Variants in ZBTB8A observed in about 807,000 individuals in gnomAD.
The protein encoded by ZBTB8A is zinc finger and BTB domain-containing protein 8A.
In ZBTB8A, 19 loss-of-function variants were observed where a neutral mutation model predicts 37.8. That is an observed-to-expected ratio of 0.50 (90% CI 0.35 to 0.74). ZBTB8A has a LOEUF of 0.74. Among genes scored for constraint, ZBTB8A ranks in the 30% least tolerant of loss-of-function variants. ZBTB8A has a pLI of 0.01. For missense variants in ZBTB8A, 394 were observed against 537.8 expected (o/e 0.73, Z 2.65); for synonymous variants, 181 against 185.2 (o/e 0.98, Z 0.19).
intron 2 of ZBTB8A, among the ~76,000 whole-genome samples, chr1:32,561,800 G>A (rs1644245542): frequency 6.6e-6 from 1 of 152,006 alleles, no homozygotes; most frequent in African/African-American, 2.4e-5. Context: ...TATCTGCAAA[G>A]ACCCTATTTG....
intron 2 of ZBTB8A, 45 bp from the exon 3 acceptor site, chr1:32,592,885 AT>A: frequency 1.4e-6 from 2 of 1,452,710 alleles, no homozygotes; most frequent in Non-Finnish European, 1.9e-6. Context: ...AAATAAAATA[AT>A]TGTAATGTAG....
chr1:32,573,719 C>A, intron 2 of ZBTB8A, among the ~76,000 whole-genome samples: 1 of 148,322 alleles, frequency 6.7e-6, no homozygotes, highest in East Asian at 2.0e-4. Flanking sequence ...CAGGCAAAAG[C>A]CACCACACCC....
Position 32,541,037 on chromosome 1 carries a change from G to A in ZBTB8A, c.-84+1465G>A, listed in dbSNP as rs555658572. 7.9e-5 allele frequency among the ~76,000 whole-genome samples: 12 copies of A among 152,372 alleles called. No homozygotes were observed. The South Asian group carries it at 2.3e-3, about 29-fold the overall frequency. Reference sequence around the variant, plus strand: ...GGGCCATCAAAAACTTTGTAAGATAGAGTAATTTAATTCATCGTATGTCAT... The same window carrying A: ...GGGCCATCAAAAACTTTGTAAGATAAAGTAATTTAATTCATCGTATGTCAT... On this transcript the variant is annotated intron_variant, in intron 1 of 4. Coordinates refer to ENST00000373510, the MANE Select transcript of ZBTB8A (RefSeq NM_001040441.3).
intron 2 of ZBTB8A, among the ~76,000 whole-genome samples, chr1:32,569,254 G>A (rs1043873395): frequency 6.6e-6 from 1 of 151,934 alleles, no homozygotes; most frequent in East Asian, 1.9e-4. Flanking sequence ...ATTATGAAGT[G>A]TCTGTTCAAA....
At chr1:32,573,738 C>CTTT (rs753573244) in intron 2 of ZBTB8A, among the ~76,000 whole-genome samples, 1,020 of 94,992 alleles carry the variant, frequency 0.011, 10 homozygotes, top group Middle Eastern at 0.036. Flanking sequence ...CCAGCTAAAA[C>CTTT]TTTTTTTTTT....
In ZBTB8A at chr1:32,552,493, G is replaced by A. The variant is rs952664232; in HGVS notation, c.-83-966G>A. On this transcript the variant is annotated intron_variant, in intron 1 of 4. Transcript: ENST00000373510. ...AGTCTGGCCAACACGGAAAAACTCC[G>A]TCTCTACTAAAAATACAAAAATATT... is the stretch of plus-strand genomic sequence containing the variant. 3.3e-5 allele frequency among the ~76,000 whole-genome samples: 5 copies of A among 152,072 alleles called. No individual in the cohort carries two copies. The South Asian group carries it at 6.2e-4, about 19-fold the overall frequency.
intron 2 of ZBTB8A, among the ~76,000 whole-genome samples, chr1:32,574,003 G>A (rs1394844444): frequency 6.6e-6 from 1 of 151,780 alleles, no homozygotes; most frequent in Admixed American, 6.6e-5. Context: ...TTGAACCCGG[G>A]AGGCGGAGGT....
rs752897608 is a variant in ZBTB8A, at chr1:32,593,572, G to A, written c.641G>A (p.Arg214Lys). Residue 214 changes from arginine to lysine, a missense_variant, in exon 3 of 5, where the codon AGA becomes AAA. Physicochemically the swap from Arg to Lys is conservative, Grantham distance 26 (BLOSUM62 2). This residue lies in a region of ZBTB8A where 171 missense variants were observed against 186.8 expected (regional missense o/e 0.92). Coordinates refer to ENST00000373510, the MANE Select transcript of ZBTB8A (RefSeq NM_001040441.3). ...TCCATTAAAAAGACCAAACATTTGA[G>A]ATTGTCACAGCCTTCTGAAGTTACT... ...KESIKKTKHLRLSQPSEVTHY... is the reference protein window; with the variant it reads ...KESIKKTKHLKLSQPSEVTHY... The A allele has an allele frequency of 6.2e-7, 1 of 1,614,212 alleles. No homozygotes were observed. The highest frequency in any genetic ancestry group is 8.5e-7 in the Non-Finnish European group (1 of 1,180,040).
rs770469550 is a variant in ZBTB8A, at chr1:32,593,262, A to G, written c.331A>G (p.Ile111Val). The change falls in exon 3 of 5, where the codon ATA (isoleucine) becomes GTA (valine). Residue 111 changes from isoleucine to valine, a missense_variant. Around this residue, in one of 4 missense-constraint regions of ZBTB8A, gnomAD observed 96 missense variants for 165.6 expected, o/e 0.58. Coordinates refer to ENST00000373510, the MANE Select transcript of ZBTB8A (RefSeq NM_001040441.3). The stretch of plus-strand genomic sequence containing the variant: ...TAGCTTCCTTCAGATGACTGATGTC[A>G]TAAGTGTATGTAAGACTTTTATTAA... ...AASFLQMTDV[I>V]SVCKTFIKSS... is the part of the protein sequence containing the mutation. 4.3e-6 allele frequency: 7 copies of G among 1,614,190 alleles called. No homozygotes were observed. The highest frequency in any genetic ancestry group is 5.9e-6 in the Non-Finnish European group (7 of 1,180,026).
At chr1:32,581,692 A>C (rs1008486861) in intron 2 of ZBTB8A, among the ~76,000 whole-genome samples, 2 of 152,050 alleles carry the variant, frequency 1.3e-5, no homozygotes, top group Non-Finnish European at 2.9e-5. Context: ...GTTTGTTCTC[A>C]CACTGATACG....
intron 1 of ZBTB8A, among the ~76,000 whole-genome samples, chr1:32,547,159 C>T (rs1347321511): frequency 2.7e-5 from 4 of 150,466 alleles, no homozygotes; most frequent in African/African-American, 9.8e-5. Context: ...CTGCCTGGGC[C>T]TTCCAAAGTG....
intron 2 of ZBTB8A, among the ~76,000 whole-genome samples, chr1:32,558,031 C>T (rs1644216025): frequency 6.6e-6 from 1 of 152,082 alleles, no homozygotes; most frequent in African/African-American, 2.4e-5. Context: ...GTAAAATGGC[C>T]TTGTGTCTTT....
chr1:32,578,691 TTTTA>T (rs1467878828), intron 2 of ZBTB8A, among the ~76,000 whole-genome samples: 2 of 151,862 alleles, frequency 1.3e-5, no homozygotes, highest in Non-Finnish European at 2.9e-5. Context: ...TAAAAAAATA[TTTTA>T]TTTATTTATT....
Position 32,593,929 on chromosome 1 carries a change from C to T in ZBTB8A, c.823+175C>T, listed in dbSNP as rs185317088. Reference sequence around the variant, plus strand: ...TAGTAAGGATAGGCGTGGTGGCTCACGCCTGTGATTCCAGCAGTTTGGGAG... The same window carrying T: ...TAGTAAGGATAGGCGTGGTGGCTCATGCCTGTGATTCCAGCAGTTTGGGAG... On this transcript the variant is annotated intron_variant, in intron 3 of 4. Coordinates refer to ENST00000373510, the MANE Select transcript of ZBTB8A (RefSeq NM_001040441.3). Among the ~76,000 whole-genome samples, 11 of 152,266 alleles carry T rather than the reference C, an allele frequency of 7.2e-5. No individual in the cohort carries two copies. The East Asian group carries it at 1.9e-3, about 27-fold the overall frequency.
chr1:32,579,833 G>A (rs1435964840), intron 2 of ZBTB8A, among the ~76,000 whole-genome samples: 1 of 152,116 alleles, frequency 6.6e-6, no homozygotes, highest in East Asian at 1.9e-4. Flanking sequence ...GCCAAGTCTA[G>A]TACCAGTTAC....
intron 2 of ZBTB8A, among the ~76,000 whole-genome samples, chr1:32,584,774 C>T (rs1238728744): frequency 6.6e-6 from 1 of 151,826 alleles, no homozygotes; most frequent in Non-Finnish European, 1.5e-5. Flanking sequence ...CCCGCCTTGG[C>T]CTCCCAAAGT....
At chr1:32,547,846 A>G (rs1165770672) in intron 1 of ZBTB8A, among the ~76,000 whole-genome samples, 20 of 147,830 alleles carry the variant, frequency 1.4e-4, no homozygotes, top group Admixed American at 1.4e-3. Context: ...AAAAAAAAAA[A>G]AAAAAGACCA....
In ZBTB8A at chr1:32,576,866, CT is replaced by C. The variant is rs539331794; in HGVS notation, c.-1-16052del. Among the ~76,000 whole-genome samples the C allele has an allele frequency of 4.1e-3, 554 of 136,206 alleles. 1 individual carries two copies. The highest frequency in any genetic ancestry group is 5.3e-3 in the Non-Finnish European group (332 of 62,536). 89.4% of individuals were successfully genotyped at this position (136,206 alleles called of 152,430 possible). A position where few individuals can be genotyped will look rare whatever the true frequency, so the allele number is the denominator to read the frequency against. ...AGGCGTGAGCCACCATGCACAGACT[CT>C]TTTTTTTTTTTTCTTTTTTTTTTGA... On this transcript the variant is annotated intron_variant, in intron 2 of 4. Coordinates refer to ENST00000373510, the MANE Select transcript of ZBTB8A (RefSeq NM_001040441.3).
At chr1:32,545,068 G>T (rs1357509013) in intron 1 of ZBTB8A, among the ~76,000 whole-genome samples, 9 of 152,108 alleles carry the variant, frequency 5.9e-5, no homozygotes. Flanking sequence ...ATCATTTGAG[G>T]AACTCCCAGA....
Sources: allele counts gnomAD v4.1 joint callset (sites outside exome capture counted in the v4.1 genomes callset), GRCh38; gene constraint gnomAD v4.1.1; regional missense constraint gnomAD v4.1.1; transcripts MANE v1.5; gene names NCBI Gene and HGNC (gene_info 2026-07-23, HGNC 2026-07-21).